CCR3: variants seen among roughly 807,000 people sequenced by gnomAD.
The protein encoded by CCR3 is C-C motif chemokine receptor 3, also known as C-C chemokine receptor type 3.
For synonymous variants in CCR3, 203 were observed against 179.2 expected (o/e 1.13, Z -1.06); for missense variants, 419 against 437.5 (o/e 0.96, Z 0.38).
intron 2 of CCR3, among the ~76,000 whole-genome samples, chr3:46,231,459 G>A (rs548231922): frequency 2.2e-3 from 333 of 152,266 alleles, no homozygotes; most frequent in African/African-American, 3.3e-3. Flanking sequence ...GAAAAGGAGC[G>A]GTTAGCTTCA....
chr3:46,247,189 C>T (rs1444451981), intron 1 of CCR3, among the ~76,000 whole-genome samples: 1 of 151,966 alleles, frequency 6.6e-6, no homozygotes, highest in African/African-American at 2.4e-5. Flanking sequence ...GCTGTGATGG[C>T]TTGAAAAAAC....
chr3:46,220,540 G>A (rs1168820539), intron 2 of CCR3, among the ~76,000 whole-genome samples: 2 of 152,132 alleles, frequency 1.3e-5, no homozygotes, highest in Non-Finnish European at 2.9e-5. Flanking sequence ...CAATGAAAAA[G>A]GCACCTGCAC....
chr3:46,242,068 G>C (rs1266567814), upstream of CCR3, among the ~76,000 whole-genome samples: 2 of 151,702 alleles, frequency 1.3e-5, no homozygotes, highest in Non-Finnish European at 2.9e-5. Flanking sequence ...AGGAGGTGGA[G>C]GTTGCAGTGA....
chr3:46,261,617 G>A lies in CCR3; in HGVS notation c.-11-3531G>A, dbSNP rs557668002. Among the ~76,000 whole-genome samples the A allele has an allele frequency of 1.4e-3, 216 of 152,318 alleles. 1 individual carries two copies. Among genetic ancestry groups the A allele is most frequent in the African/African-American group, 4.7e-3 (195 of 41,570 alleles). On this transcript the variant is annotated intron_variant, in intron 1 of 1. Coordinates refer to ENST00000395940, the MANE Select transcript of CCR3 (RefSeq NM_178329.3). ...CCATCAGAGCTAGGGGGCATGGAGCGCTCTCTGCTAAGATGGGGACCCCCA... is the reference window on the plus strand; with the variant it reads ...CCATCAGAGCTAGGGGGCATGGAGCACTCTCTGCTAAGATGGGGACCCCCA...
At chr3:46,215,943 T>C (rs969291207) in intron 2 of CCR3, among the ~76,000 whole-genome samples, 3 of 152,192 alleles carry the variant, frequency 2.0e-5, no homozygotes, top group Non-Finnish European at 2.9e-5. Context: ...TTCATGGGAA[T>C]AGCCAGAATC....
chr3:46,254,215 A>G (rs1336214064), intron 1 of CCR3, among the ~76,000 whole-genome samples: 1 of 152,230 alleles, frequency 6.6e-6, no homozygotes, highest in Non-Finnish European at 1.5e-5. Flanking sequence ...GTATAAGTAC[A>G]TAAACAAATA....
At chr3:46,223,735 G>C (rs1227359473) in intron 2 of CCR3, among the ~76,000 whole-genome samples, 1 of 152,162 alleles carries the variant, frequency 6.6e-6, no homozygotes, top group Non-Finnish European at 1.5e-5. Context: ...GCCTGCCTCA[G>C]TTTCAGGAAG....
intron 1 of CCR3, among the ~76,000 whole-genome samples, chr3:46,257,056 T>C (rs1213203578): frequency 6.6e-6 from 1 of 152,122 alleles, no homozygotes; most frequent in African/African-American, 2.4e-5. Flanking sequence ...TAAAACTCTC[T>C]AAATGTCTTT....
intron 2 of CCR3, among the ~76,000 whole-genome samples, chr3:46,236,237 C>T (rs1361189427): frequency 9.9e-5 from 15 of 152,120 alleles, no homozygotes. Context: ...AGTGTGACCT[C>T]GTGGAAAGAC....
At chr3:46,254,483 C>CT (rs1553645186) in intron 1 of CCR3, among the ~76,000 whole-genome samples, 15,574 of 133,314 alleles carry the variant, frequency 0.12, 966 homozygotes, top group South Asian at 0.24. Context: ...GTTCAAAGTT[C>CT]TTTTTTAAAA....
At chr3:46,252,630 C>G (rs41494047) in intron 1 of CCR3, among the ~76,000 whole-genome samples, 4 of 152,086 alleles carry the variant, frequency 2.6e-5, no homozygotes, top group African/African-American at 9.7e-5. Flanking sequence ...GGGAGGGGAT[C>G]AGCTTAATTG....
chr3:46,237,178 C>T (rs780332053), intron 2 of CCR3, among the ~76,000 whole-genome samples: 10 of 152,158 alleles, frequency 6.6e-5, no homozygotes, highest in Non-Finnish European at 1.3e-4. Flanking sequence ...GCAGTAAACA[C>T]GGTGGTGCAG....
At chr3:46,234,845 G>A (rs898829155) in intron 2 of CCR3, among the ~76,000 whole-genome samples, 29 of 152,188 alleles carry the variant, frequency 1.9e-4, no homozygotes, top group African/African-American at 7.0e-4. Flanking sequence ...GAAGCTCTTT[G>A]GTTGTTTAAA....
At chr3:46,214,375 T>C (rs1457678559) in intron 2 of CCR3, among the ~76,000 whole-genome samples, 1 of 152,172 alleles carries the variant, frequency 6.6e-6, no homozygotes, top group Non-Finnish European at 1.5e-5. Context: ...CTTCCGCTTG[T>C]GCAGGATCCC....
At chr3:46,264,642 C>T (rs1185402715) in intron 1 of CCR3, 1 of 538,824 alleles carries the variant, frequency 1.9e-6, no homozygotes, top group South Asian at 2.4e-5. Flanking sequence ...ATGAATGGCT[C>T]ATCATTATGG....
At chr3:46,248,725 C>G (rs921811731) in intron 1 of CCR3, among the ~76,000 whole-genome samples, 1 of 152,036 alleles carries the variant, frequency 6.6e-6, no homozygotes, top group African/African-American at 2.4e-5. Context: ...GTGTCAGGGT[C>G]AGTCTAAGTG....
chr3:46,226,826 A>G lies in CCR3; in HGVS notation c.-67-15576A>G, dbSNP rs555823118. Among the ~76,000 whole-genome samples the G allele has an allele frequency of 3.3e-5, 5 of 151,566 alleles. 1 individual carries two copies. In the South Asian group the frequency reaches 1.0e-3, roughly 32 times the overall value. ...GTTGAGGAAGTGTCTTTCTATTTTT[A>G]GTTTGCTGAGTGTTTACCATGAATA... On this transcript the variant is annotated intron_variant, in intron 2 of 3. Coordinates refer to the CCR3 transcript ENST00000357422.
upstream of CCR3, among the ~76,000 whole-genome samples, chr3:46,240,701 C>A (rs1224399175): frequency 1.3e-5 from 2 of 152,194 alleles, no homozygotes; most frequent in African/African-American, 4.8e-5. Flanking sequence ...ATGACGCTGT[C>A]CACATGCCAC....
chr3:46,246,860 G>T (rs1396267756), intron 1 of CCR3, among the ~76,000 whole-genome samples: 1 of 152,154 alleles, frequency 6.6e-6, no homozygotes, highest in African/African-American at 2.4e-5. Context: ...GGGATTAGGG[G>T]CGGCGTGGGA....
Sources: allele counts gnomAD v4.1 joint callset (sites outside exome capture counted in the v4.1 genomes callset), GRCh38; gene constraint gnomAD v4.1.1; transcripts MANE v1.5; gene names NCBI Gene and HGNC (gene_info 2026-07-23, HGNC 2026-07-21).